Variants in DAB1 observed in about 807,000 individuals in gnomAD.
DAB1 encodes the protein DAB adaptor protein 1.
A neutral mutation model predicts 64.6 loss-of-function variants in DAB1; 15 were observed. The observed-to-expected ratio is 0.23, with a 90% CI of 0.16 to 0.36. The LOEUF (loss-of-function observed/expected upper bound fraction) is 0.36. Among genes scored for constraint, DAB1 ranks in the 10% least tolerant of loss-of-function variants. The pLI is 1.00. For synonymous variants in DAB1, 235 were observed against 251.9 expected (o/e 0.93, Z 0.64); for missense variants, 596 against 706.7 (o/e 0.84, Z 1.78).
intron 4 of DAB1, among the ~76,000 whole-genome samples, chr1:58,303,208 G>A (rs1410314347): frequency 6.6e-6 from 1 of 152,094 alleles, no homozygotes; most frequent in Non-Finnish European, 1.5e-5. Context: ...AGTTCCAGCT[G>A]GAAGGTCCCT....
intron 4 of DAB1, among the ~76,000 whole-genome samples, chr1:57,130,849 A>G (rs1337267460): frequency 6.6e-6 from 1 of 152,194 alleles, no homozygotes; most frequent in Non-Finnish European, 1.5e-5. Context: ...ATTCGGTATT[A>G]TGTATATGGG....
At chr1:58,380,534 T>C (rs759631281) in intron 3 of DAB1, among the ~76,000 whole-genome samples, 1 of 152,258 alleles carries the variant, frequency 6.6e-6, no homozygotes, top group Non-Finnish European at 1.5e-5. Context: ...ACATCTATTA[T>C]GCTGGAGGCA....
intron 2 of DAB1, among the ~76,000 whole-genome samples, chr1:57,233,045 G>C (rs1378568897): frequency 6.6e-6 from 1 of 151,970 alleles, no homozygotes; most frequent in Non-Finnish European, 1.5e-5. Flanking sequence ...CTGAGAAAGG[G>C]AAACTGTTTT....
chr1:57,347,397 G>T (rs376250376), intron 1 of DAB1, among the ~76,000 whole-genome samples: 74 of 152,292 alleles, frequency 4.9e-4, no homozygotes, highest in African/African-American at 1.8e-3. Flanking sequence ...TGGTATTACA[G>T]GATTTCTATG....
chr1:57,431,324 A>C (rs1685508197), intron 7 of DAB1, among the ~76,000 whole-genome samples: 1 of 152,176 alleles, frequency 6.6e-6, no homozygotes, highest in East Asian at 1.9e-4. Context: ...GGATCCACTT[A>C]AAAACACACA....
At chr1:57,396,112 A>G (rs1682785211) in intron 1 of DAB1, among the ~76,000 whole-genome samples, 1 of 152,238 alleles carries the variant, frequency 6.6e-6, no homozygotes, top group East Asian at 1.9e-4. Flanking sequence ...AAGCGCTGAG[A>G]GGTCTGTTGA....
At chr1:57,227,812 C>T (rs1667386305) in intron 2 of DAB1, among the ~76,000 whole-genome samples, 1 of 152,158 alleles carries the variant, frequency 6.6e-6, no homozygotes, top group South Asian at 2.1e-4. Flanking sequence ...CTGCCTCGTC[C>T]TCCCAAAGTG....
intron 2 of DAB1, among the ~76,000 whole-genome samples, chr1:57,227,626 G>A (rs780473427): frequency 5.3e-5 from 8 of 150,060 alleles, no homozygotes; most frequent in East Asian, 2.0e-4. Flanking sequence ...GCATGATCTC[G>A]GTTCACTGCA....
intron 5 of DAB1, among the ~76,000 whole-genome samples, chr1:57,892,932 C>T (rs1011380221): frequency 1.3e-5 from 2 of 152,046 alleles, no homozygotes; most frequent in Admixed American, 6.5e-5. Flanking sequence ...GGTTCTCCAA[C>T]TTTAATTAGC....
At chr1:58,245,029 C>T (rs1660467212) in intron 4 of DAB1, among the ~76,000 whole-genome samples, 1 of 152,192 alleles carries the variant, frequency 6.6e-6, no homozygotes, top group African/African-American at 2.4e-5. Flanking sequence ...ACCTACAGAA[C>T]TAGGAACTAT....
chr1:57,853,859 A>G (rs949648712), intron 1 of DAB1, among the ~76,000 whole-genome samples: 1 of 152,190 alleles, frequency 6.6e-6, no homozygotes, highest in Non-Finnish European at 1.5e-5. Flanking sequence ...TCACATTTCA[A>G]AGTTTATTTT....
At chr1:57,824,462 A>G (rs1185928462), downstream of DAB1, among the ~76,000 whole-genome samples, 1 of 152,032 alleles carries the variant, frequency 6.6e-6, no homozygotes, top group Non-Finnish European at 1.5e-5. Flanking sequence ...AGGGTTACCT[A>G]TTTCTCTAAA....
chr1:57,733,201 C>G (rs2101777391), intron 6 of DAB1, among the ~76,000 whole-genome samples: 1 of 152,158 alleles, frequency 6.6e-6, no homozygotes, highest in East Asian at 1.9e-4. Context: ...AAAATTGCAA[C>G]TTGCTCTCCT....
chr1:57,209,070 A>G (rs1244793470), intron 2 of DAB1, among the ~76,000 whole-genome samples: 2 of 152,238 alleles, frequency 1.3e-5, no homozygotes, highest in Non-Finnish European at 2.9e-5. Context: ...ACCTATGTCC[A>G]TCACTTGGCA....
At chr1:57,069,191 A>G (rs1651213043) in intron 8 of DAB1, among the ~76,000 whole-genome samples, 169 bp downstream of exon 8, 1 of 152,210 alleles carries the variant, frequency 6.6e-6, no homozygotes, top group Admixed American at 6.5e-5. Context: ...CATCAACAAC[A>G]AGGCATGAAA....
At chr1:57,986,644 A>G (rs1646226169) in intron 5 of DAB1, among the ~76,000 whole-genome samples, 1 of 152,052 alleles carries the variant, frequency 6.6e-6, no homozygotes, top group African/African-American at 2.4e-5. Flanking sequence ...GAGAAACCGC[A>G]ATTCAGGAAG....
intron 2 of DAB1, among the ~76,000 whole-genome samples, chr1:57,210,538 C>T (rs1260370012): frequency 1.3e-5 from 2 of 152,112 alleles, no homozygotes; most frequent in East Asian, 3.9e-4. Context: ...TCCTAGACTG[C>T]TGAGTCTCAT....
At chr1:58,519,631 G>C (rs1646229381) in intron 2 of DAB1, among the ~76,000 whole-genome samples, 1 of 152,052 alleles carries the variant, frequency 6.6e-6, no homozygotes, top group Non-Finnish European at 1.5e-5. Context: ...GAAACATCCA[G>C]CATTCAATCA....
At chr1:58,192,718 C>T (rs983591933) in intron 4 of DAB1, among the ~76,000 whole-genome samples, 2 of 152,056 alleles carry the variant, frequency 1.3e-5, no homozygotes, top group Admixed American at 6.6e-5. Context: ...TTGATGGACA[C>T]TTGGTTTGAT....
Sources: allele counts gnomAD v4.1 joint callset (sites outside exome capture counted in the v4.1 genomes callset), GRCh38; gene constraint gnomAD v4.1.1; transcripts MANE v1.5; gene names NCBI Gene and HGNC (gene_info 2026-07-23, HGNC 2026-07-21).